NUMA1: variants seen among roughly 807,000 people sequenced by gnomAD.
NUMA1 encodes SP-H antigen.
In NUMA1, 62 loss-of-function variants were observed where a neutral mutation model predicts 237.1. That is an observed-to-expected ratio of 0.26 (90% CI 0.21 to 0.32). The LOEUF (loss-of-function observed/expected upper bound fraction) is 0.32. Among genes scored for constraint, NUMA1 ranks in the 10% least tolerant of loss-of-function variants. The probability of loss-of-function intolerance (pLI) is 1.00; values close to 1 mark genes in which losing one functional copy is unlikely to be tolerated. For synonymous variants in NUMA1, 1,028 were observed against 1,066.1 expected (o/e 0.96, Z 0.70); for missense variants, 2,533 against 2,666.5 (o/e 0.95, Z 1.10).
intron 4 of NUMA1, chr11:72,024,891 G>T (rs1349189097): frequency 6.5e-6 from 1 of 153,126 alleles, no homozygotes; most frequent in Non-Finnish European, 1.4e-5. Flanking sequence ...AGGGACTAGA[G>T]TGTTGTTTGT....
At position 72,006,059 on chromosome 11, in the gene NUMA1, C is replaced by T. The variant is rs767774866; in HGVS notation, c.5668G>A (p.Gly1890Arg). 1.4e-5 allele frequency: 22 copies of T among 1,613,152 alleles called. No homozygotes were observed. The highest frequency in any genetic ancestry group is 9.9e-5 in the South Asian group (9 of 91,044). The change falls in exon 22 of 27, where the codon GGG becomes AGG. Residue 1890 changes from glycine (G) to arginine (R), a missense_variant. Transcript: ENST00000393695. The part of the protein sequence containing the change: ...TRSSARRSQA[G>R]VSSGAPPGRN... ...CCTGGAGGGGCCCCACTGGACACCC[C>T]GGCCTGGGAACGACGAGCAGAACTG...
chr11:72,006,104 C>T lies in NUMA1; in HGVS notation c.5623G>A (p.Gly1875Ser). The change falls in exon 22 of 27, where the codon GGC becomes AGC. Residue 1875 changes from glycine (G) to serine (S), a missense_variant. By Grantham distance (56) the Gly-to-Ser change is moderately conservative. Transcript: ENST00000393695. ...YGNSALLSLP[G>S]YRPTTRSSAR... ...GAACTGCGAGTGGTGGGGCGGTAGC[C>T]AGGCAAGCTGAGCAGGGCTGAGTTG... is the stretch of plus-strand genomic sequence containing the variant. 6.2e-7 allele frequency: 1 copy of T among 1,614,138 alleles called. No individual in the cohort carries two copies. Among genetic ancestry groups the T allele is most frequent in the Non-Finnish European group, 8.5e-7 (1 of 1,180,022 alleles).
chr11:72,056,635 T>TAAGAAAAAAAAA (rs1942662349), intron 2 of NUMA1, among the ~76,000 whole-genome samples: 1 of 76,010 alleles, frequency 1.3e-5, no homozygotes, highest in Non-Finnish European at 2.4e-5. Flanking sequence ...CCCATCTCTT[T>TAAGAAAAAAAAA]AAAAAAAAAA....
chr11:72,022,207 T>C, intron 7 of NUMA1, 132 bp downstream of exon 7: 2 of 595,574 alleles, frequency 3.4e-6, no homozygotes, highest in South Asian at 4.7e-5. Flanking sequence ...CCAGACTTTC[T>C]ATGATGAATG....
chr11:72,014,251 C>G lies in NUMA1; in HGVS notation c.3252G>C (p.Arg1084=). 1 of 1,613,972 alleles carries G rather than the reference C, an allele frequency of 6.2e-7. No individual in the cohort carries two copies. Among genetic ancestry groups the G allele is most frequent in the South Asian group, 1.1e-5 (1 of 91,086 alleles). ...AAQIKELEEL[R]QTVKQLKEQL... is the part of the protein sequence containing the mutation. ...GTTCCTTCAGTTGCTTCACGGTTTG[C>G]CGAAGTTCCTCCAGCTCTTTTATCT... Residue 1084 remains arginine, a synonymous_variant, in exon 15 of 27, where the codon CGG becomes CGC. Transcript: ENST00000393695. This position sits in a 1 kb window ranked among gnomAD's most constrained non-coding sequence, Gnocchi z 4.6.
chr11:72,023,199 T>A, intron 5 of NUMA1, 52 bp from the exon 6 acceptor site: 3 of 1,331,972 alleles, frequency 2.3e-6, no homozygotes, highest in Non-Finnish European at 3.2e-6. Context: ...AAACCATACC[T>A]GAGATCCCAG....
rs1555034473 is a variant in NUMA1 at position 72,049,560 on chromosome 11, A to AATAATATATAT, written c.-32-13586_-32-13585insATATATATTAT. On this transcript the variant is annotated intron_variant, in intron 2 of 26. Coordinates refer to ENST00000393695, the MANE Select transcript of NUMA1 (RefSeq NM_006185.4). ...CCTGTCTAAAAAAAAAAATAATAAT[A>AATAATATATAT]ATATATATATATATATATATATAGT... is the stretch of plus-strand genomic sequence containing the variant. The AATAATATATAT allele has an allele frequency of 1.9e-3, 76 of 41,016 alleles. 1 individual carries two copies. Among genetic ancestry groups the AATAATATATAT allele is most frequent in the African/African-American group, 6.1e-3 (72 of 11,836 alleles). The allele number at this position is 41,016 out of a possible 1,614,324, so 2.5% of individuals were successfully genotyped here. A position where few individuals can be genotyped will look rare whatever the true frequency, so the allele number is the denominator to read the frequency against.
intron 17 of NUMA1, among the ~76,000 whole-genome samples, chr11:72,010,389 C>G (rs1407591576): frequency 6.6e-6 from 1 of 152,250 alleles, no homozygotes; most frequent in Non-Finnish European, 1.5e-5. Context: ...ACTATCTAGA[C>G]TTACATTGTC....
At chr11:72,079,467 G>C (rs945029285) in intron 1 of NUMA1, among the ~76,000 whole-genome samples, 6 of 152,026 alleles carry the variant, frequency 3.9e-5, no homozygotes, top group Non-Finnish European at 7.4e-5. Context: ...TTGAACCCGG[G>C]TGGCAGAGGT....
intron 21 of NUMA1, among the ~76,000 whole-genome samples, chr11:72,006,709 C>G (rs930952223): frequency 5.9e-5 from 9 of 152,210 alleles, no homozygotes; most frequent in Non-Finnish European, 1.2e-4. Context: ...AGAACTTCCC[C>G]AACTTCTTGG....
intron 3 of NUMA1, among the ~76,000 whole-genome samples, chr11:72,034,052 T>A (rs1415207776): frequency 1.3e-5 from 2 of 151,998 alleles, no homozygotes; most frequent in East Asian, 3.9e-4. Context: ...AAGTTTGAGG[T>A]TACAATGAAC....
At chr11:72,021,139 A>G (rs983141108) in intron 8 of NUMA1, 65 bp downstream of exon 8, 1 of 1,325,580 alleles carries the variant, frequency 7.5e-7, no homozygotes, top group African/African-American at 1.4e-5. Flanking sequence ...ATACTTGACA[A>G]CTCAGGATCC....
At chr11:72,053,343 T>TA (rs1942469099) in intron 2 of NUMA1, among the ~76,000 whole-genome samples, 1 of 152,214 alleles carries the variant, frequency 6.6e-6, no homozygotes, top group Non-Finnish European at 1.5e-5. Flanking sequence ...CTTACTGCCT[T>TA]AAGTTCCATG....
rs769492447 is a variant in NUMA1 at position 72,018,528 on chromosome 11, GGGA to G, written c.743-18_743-16del. 50 of 1,601,354 alleles carry G rather than the reference GGGA, an allele frequency of 3.1e-5. No individual in the cohort carries two copies. The highest frequency in any genetic ancestry group is 1.2e-4 in the Admixed American group (7 of 59,946). On this transcript the variant is annotated splice_polypyrimidine_tract_variant and intron_variant, in intron 10 of 26. Coordinates refer to ENST00000393695, the MANE Select transcript of NUMA1 (RefSeq NM_006185.4). ...TATCTGTGCATCTGCCCAGAGTGGAGGGAGGAGGAGAGGAGAATCAGAACTATG... is the reference window on the plus strand; with the variant it reads ...TATCTGTGCATCTGCCCAGAGTGGAGGGAGGAGAGGAGAATCAGAACTATG...
intron 2 of NUMA1, among the ~76,000 whole-genome samples, chr11:72,059,512 G>A (rs756372816): frequency 9.9e-5 from 15 of 152,230 alleles, no homozygotes; most frequent in Non-Finnish European, 2.1e-4. Flanking sequence ...CAAACAATCC[G>A]CCCACCTTGT....
At chr11:72,005,562 T>C (rs1225693805) in intron 22 of NUMA1, 193 bp from the exon 23 acceptor site, 36 of 570,092 alleles carry the variant, frequency 6.3e-5, no homozygotes, top group Non-Finnish European at 9.1e-5. Context: ...CTCACCACCT[T>C]CTCCCTGGAG....
intron 4 of NUMA1, among the ~76,000 whole-genome samples, chr11:72,026,470 T>G (rs903570122): frequency 2.0e-5 from 3 of 152,226 alleles, no homozygotes; most frequent in African/African-American, 7.2e-5. Context: ...TCCACTATAC[T>G]CTGTTATTCA....
At chr11:72,047,342 G>T (rs2135964247) in intron 2 of NUMA1, among the ~76,000 whole-genome samples, 1 of 152,094 alleles carries the variant, frequency 6.6e-6, no homozygotes, top group African/African-American at 2.4e-5. Flanking sequence ...AAAAGAATTA[G>T]CCAGACATGG....
At chr11:72,074,525 G>T (rs796914488) in intron 1 of NUMA1, among the ~76,000 whole-genome samples, 23 of 152,282 alleles carry the variant, frequency 1.5e-4, no homozygotes, top group African/African-American at 5.3e-4. Flanking sequence ...AACTGCTTGA[G>T]CTCAAGAGTT....
Sources: allele counts gnomAD v4.1 joint callset (sites outside exome capture counted in the v4.1 genomes callset), GRCh38; gene constraint gnomAD v4.1.1; non-coding constraint Gnocchi (gnomAD v3.1); transcripts MANE v1.5; gene names NCBI Gene and HGNC (gene_info 2026-07-23, HGNC 2026-07-21).